Variants in HDLBP observed in about 807,000 individuals in gnomAD.
The protein encoded by HDLBP is high density lipoprotein binding protein.
In HDLBP, 30 loss-of-function variants were observed where a neutral mutation model predicts 137.3. That is an observed-to-expected ratio of 0.22 (90% CI 0.16 to 0.30). The LOEUF (loss-of-function observed/expected upper bound fraction) is 0.30, where lower values mean the gene tolerates loss of function less well. Among genes scored for constraint, HDLBP ranks in the 10% least tolerant of loss-of-function variants. The pLI is 1.00. For synonymous variants in HDLBP, 606 were observed against 596.0 expected (o/e 1.02, Z -0.24); for missense variants, 1,119 against 1,667.3 (o/e 0.67, Z 5.73).
chr2:241,314,958 G>A (rs1016369404), intron 1 of HDLBP: 8 of 152,148 alleles, frequency 5.3e-5, no homozygotes, highest in Admixed American at 2.6e-4. Flanking sequence ...CGGGAGGGAG[G>A]AAAGGACACC....
rs1475517162 is a variant in HDLBP at position 241,256,329 on chromosome 2, C to CT, written c.727dup (p.Arg243LysfsTer47). On this transcript the variant is annotated frameshift_variant, in exon 7 of 28. Coordinates refer to ENST00000310931, the MANE Select transcript of HDLBP (RefSeq NM_005336.6). LOFTEE classifies it high-confidence loss of function. ...CTCCTGCATGATCTCGCCAACCAGT[C>CT]TATTATACGGCCCAGCGATGAAGGG... 1.2e-6 allele frequency: 2 copies of CT among 1,614,036 alleles called. No individual in the cohort carries two copies. The highest frequency in any genetic ancestry group is 1.3e-5 in the African/African-American group (1 of 74,904).
chr2:241,267,887 C>T (rs2073798267), intron 2 of HDLBP: 4 of 985,322 alleles, frequency 4.1e-6, no homozygotes, highest in African/African-American at 1.7e-5. Flanking sequence ...ATTAGCACAG[C>T]CACAGTGCTC....
Position 241,229,965 on chromosome 2 carries a change from C to A in HDLBP, c.3592-4G>T. The A allele has an allele frequency of 6.3e-7, 1 of 1,593,424 alleles. No homozygotes were observed. Among genetic ancestry groups the A allele is most frequent in the South Asian group, 1.1e-5 (1 of 88,032 alleles). On this transcript the variant is annotated splice_region_variant and splice_polypyrimidine_tract_variant and intron_variant, in intron 26 of 27. Coordinates refer to ENST00000310931, the MANE Select transcript of HDLBP (RefSeq NM_005336.6). ...CACTGTCCACCACGTCAGCTAGCTG[C>A]AGGCAGAAGACAGGAAGACAGGGTC...
chr2:241,233,743 T>G lies in HDLBP; in HGVS notation c.3288+77A>C. Reference sequence around the variant, plus strand: ...GCCCTCGAACCCCCATCTAGGCACATCTGGTTACTGCTCCCAAGTCACAGG... The same window carrying G: ...GCCCTCGAACCCCCATCTAGGCACAGCTGGTTACTGCTCCCAAGTCACAGG... On this transcript the variant is annotated intron_variant, in intron 24 of 27. Transcript: ENST00000310931. The surrounding 1 kb of genome is among the most constrained non-coding windows in gnomAD (Gnocchi z 4.3). The G allele has an allele frequency of 6.4e-7, 1 of 1,558,282 alleles. No homozygotes were observed. Among genetic ancestry groups the G allele is most frequent in the Non-Finnish European group, 8.8e-7 (1 of 1,135,276 alleles).
intron 1 of HDLBP, among the ~76,000 whole-genome samples, chr2:241,305,766 T>G (rs7605212): frequency 0.16 from 23,830 of 150,818 alleles, 2,031 homozygotes; most frequent in Middle Eastern, 0.27. Context: ...ATTTGTTTTT[T>G]TTTTTTTTTT....
rs768789088 is a variant in HDLBP at position 241,230,866 on chromosome 2, C to T, written c.3367G>A (p.Glu1123Lys). 2 of 1,614,210 alleles carry T rather than the reference C, an allele frequency of 1.2e-6. No individual in the cohort carries two copies. Among genetic ancestry groups the T allele is most frequent in the Admixed American group, 3.3e-5 (2 of 60,032 alleles). ...TCCTCAGAAACCATCTGCTCAAGTTCACCCACAATTCTCAGTATAGCATCC... is the reference window on the plus strand; with the variant it reads ...TCCTCAGAAACCATCTGCTCAAGTTTACCCACAATTCTCAGTATAGCATCC... ...ARDAILRIVG[E>K]LEQMVSEDVP... Residue 1123 changes from glutamate (E) to lysine (K), a missense_variant, in exon 25 of 28, where the codon GAA becomes AAA. Glu to Lys is a moderately conservative substitution (Grantham distance 56). Transcript: ENST00000310931. This position sits in a 1 kb window ranked among gnomAD's most constrained non-coding sequence, Gnocchi z 5.0.
In HDLBP at chr2:241,267,541, C is replaced by T. The variant is rs35334418; in HGVS notation, c.-37-635G>A. 0.89 allele frequency: 1,356,988 copies of T among 1,525,512 alleles called. 604,797 individuals are homozygous for T. The highest frequency in any genetic ancestry group is 1 in the East Asian group (40,824 of 40,846). The allele number at this position is 1,525,512 out of a possible 1,614,324, so 94.5% of individuals were successfully genotyped here. On this transcript the variant is annotated intron_variant, in intron 2 of 27. Coordinates refer to ENST00000310931, the MANE Select transcript of HDLBP (RefSeq NM_005336.6). ...AACACCAGGATCGTTCTCCTAACAG[C>T]GACCTTGGTTATTCTGTCAATTTGC...
chr2:241,289,709 A>G (rs1475421220), intron 1 of HDLBP, among the ~76,000 whole-genome samples: 2 of 152,216 alleles, frequency 1.3e-5, no homozygotes, highest in Non-Finnish European at 2.9e-5. Flanking sequence ...AAGGACAGGA[A>G]GGGGTCAGGA....
Position 241,279,598 on chromosome 2 carries a change from G to A in HDLBP, c.-102-11057C>T, listed in dbSNP as rs1174638109. Reference sequence around the variant, plus strand: ...GACACTGACATTGCCTGCCTCAGATGTGGTCGTGTGGATCAGCAGGGAGAT... The same window carrying A: ...GACACTGACATTGCCTGCCTCAGATATGGTCGTGTGGATCAGCAGGGAGAT... On this transcript the variant is annotated intron_variant, in intron 1 of 27. Coordinates refer to ENST00000310931, the MANE Select transcript of HDLBP (RefSeq NM_005336.6). Among the ~76,000 whole-genome samples the A allele has an allele frequency of 5.9e-5, 9 of 152,186 alleles. No individual in the cohort carries two copies. The East Asian group carries it at 1.7e-3, about 29-fold the overall frequency.
At chr2:241,286,466 T>C (rs1433891706) in intron 1 of HDLBP, among the ~76,000 whole-genome samples, 1 of 152,202 alleles carries the variant, frequency 6.6e-6, no homozygotes, top group Non-Finnish European at 1.5e-5. Flanking sequence ...ACCATTTGTC[T>C]CTTACCTGCC....
chr2:241,236,872 G>C (rs2070541733), intron 20 of HDLBP, 103 bp from the exon 21 acceptor site: 1 of 1,235,744 alleles, frequency 8.1e-7, no homozygotes, highest in Non-Finnish European at 1.1e-6. Flanking sequence ...GTGCTGGGTG[G>C]TAAAAGGGAG....
In HDLBP at chr2:241,264,474, G is replaced by A. The variant is rs1303060063; in HGVS notation, c.208C>T (p.Pro70Ser). ...PAGAWGNKIRPIKASVITQVF... is the reference protein window; with the variant it reads ...PAGAWGNKIRSIKASVITQVF... ...TGAGTGATGACAGAAGCCTTGATGG[G>A]TCGGATCTTGTTCCCCCAGGCTCCA... Residue 70 changes from proline to serine, a missense_variant, in exon 4 of 28, where the codon CCC (proline) becomes TCC (serine). This residue lies in a region of HDLBP where 59 missense variants were observed against 92.4 expected (regional missense o/e 0.64). Transcript: ENST00000310931. 6.2e-7 allele frequency: 1 copy of A among 1,613,298 alleles called. No individual in the cohort carries two copies. Among genetic ancestry groups the A allele is most frequent in the East Asian group, 2.2e-5 (1 of 44,886 alleles).
chr2:241,257,896 G>C (rs1310982378), intron 5 of HDLBP, among the ~76,000 whole-genome samples: 1 of 152,198 alleles, frequency 6.6e-6, no homozygotes, highest in Non-Finnish European at 1.5e-5. Context: ...TGAAAACCCA[G>C]AAACAGAGCT....
At chr2:241,309,982 C>T (rs956377077) in intron 1 of HDLBP, among the ~76,000 whole-genome samples, 4 of 152,152 alleles carry the variant, frequency 2.6e-5, no homozygotes, top group African/African-American at 9.7e-5. Context: ...CAGACACAGG[C>T]TCAGAGGCCC....
Position 241,238,861 on chromosome 2 carries a change from T to C in HDLBP, c.2611-74A>G, listed in dbSNP as rs537987672. 2 of 1,240,358 alleles carry C rather than the reference T, an allele frequency of 1.6e-6. No homozygotes were observed. The highest frequency in any genetic ancestry group is 2.2e-6 in the Non-Finnish European group (2 of 905,522). 76.8% of individuals were successfully genotyped at this position (1,240,358 alleles called of 1,614,324 possible). ...CTTAGGGCAAGTTTTACAGCACTCT[T>C]CACACCACCTTCCTCCCTGTCCTCT... On this transcript the variant is annotated intron_variant, in intron 19 of 27. Coordinates refer to ENST00000310931, the MANE Select transcript of HDLBP (RefSeq NM_005336.6). This position sits in a 1 kb window ranked among gnomAD's most constrained non-coding sequence, Gnocchi z 4.9.
chr2:241,248,457 G>A, intron 12 of HDLBP, 109 bp from the exon 13 acceptor site: 1 of 884,872 alleles, frequency 1.1e-6, no homozygotes, highest in East Asian at 2.5e-5. Context: ...CATGGAGCAG[G>A]TGAGGTGGTC....
At chr2:241,248,218 T>G (rs779830050) in intron 13 of HDLBP, 26 bp downstream of exon 13, 8 of 1,587,080 alleles carry the variant, frequency 5.0e-6, no homozygotes, top group Non-Finnish European at 6.9e-6. Context: ...CCTATAGAGT[T>G]ACAGAATGTC....
At chr2:241,300,383 C>A (rs1253479870) in intron 1 of HDLBP, among the ~76,000 whole-genome samples, 7 of 152,074 alleles carry the variant, frequency 4.6e-5, no homozygotes, top group Non-Finnish European at 1.0e-4. Flanking sequence ...CACTGCCCAG[C>A]GAGAATTAGG....
chr2:241,253,266 C>T lies in HDLBP; in HGVS notation c.1293+127G>A, dbSNP rs1334464249. ...TCTGGTTGTTTCAGAACCTATTACT[C>T]ACCCAGCTAGGATGCCCTGGGTGTC... On this transcript the variant is annotated intron_variant, in intron 10 of 27. Coordinates refer to ENST00000310931, the MANE Select transcript of HDLBP (RefSeq NM_005336.6). 7 of 768,930 alleles carry T rather than the reference C, an allele frequency of 9.1e-6. No individual in the cohort carries two copies. The East Asian group carries it at 1.2e-4, about 13-fold the overall frequency. 47.6% of individuals were successfully genotyped at this position (768,930 alleles called of 1,614,324 possible).
Sources: gnomAD v4.1 joint callset for allele counts (sites outside exome capture counted in the v4.1 genomes callset) on GRCh38, gnomAD v4.1.1 for gene constraint, gnomAD v4.1.1 regional missense constraint, Gnocchi (gnomAD v3.1) non-coding constraint, MANE v1.5 for transcripts, NCBI Gene and HGNC (gene_info 2026-07-23, HGNC 2026-07-21) for gene names.